Variants in MACC1 observed in about 807,000 individuals in gnomAD.
MACC1 encodes the protein metastasis-associated in colon cancer protein 1.
In MACC1, 79 loss-of-function variants were observed where a neutral mutation model predicts 70.7. That is an observed-to-expected ratio of 1.12 (90% confidence interval 0.93 to 1.35). MACC1 has a LOEUF of 1.35. MACC1 is among the 40% of genes most tolerant of loss of function. The pLI is 0.00. For synonymous variants in MACC1, 361 were observed against 347.2 expected (o/e 1.04, Z -0.44); for missense variants, 1,106 against 978.1 (o/e 1.13, Z -1.74).
intron 5 of MACC1, among the ~76,000 whole-genome samples, chr7:20,154,926 C>T (rs189970188): frequency 3.9e-5 from 6 of 151,956 alleles, no homozygotes. Flanking sequence ...ACTCCTTCAA[C>T]TTTGAACAAA....
At chr7:20,144,671 T>A (rs1037971232) in intron 6 of MACC1, among the ~76,000 whole-genome samples, 1 of 152,226 alleles carries the variant, frequency 6.6e-6, no homozygotes, top group East Asian at 1.9e-4. Context: ...TTTTCAGCCC[T>A]ACTGAATATC....
Position 20,140,009 on chromosome 7 carries a change from G to T in MACC1, c.*937C>A, listed in dbSNP as rs1182208940. On this transcript the variant is annotated 3_prime_UTR_variant, in exon 7 of 7. Coordinates refer to ENST00000400331, the MANE Select transcript of MACC1 (RefSeq NM_182762.4). ...TTATTAAAAATCTCCAAGAGCTAAAGAACTATTTTACATTACAATCCTGCA... is the reference window on the plus strand; with the variant it reads ...TTATTAAAAATCTCCAAGAGCTAAATAACTATTTTACATTACAATCCTGCA... 2.0e-5 allele frequency: 3 copies of T among 152,068 alleles called. No homozygotes were observed. The allele number at this position is 152,068 out of a possible 1,614,324, so 9.4% of individuals were successfully genotyped here. A position where few individuals can be genotyped will look rare whatever the true frequency, so the allele number is the denominator to read the frequency against.
At chr7:20,155,105 A>C (rs911899150) in intron 5 of MACC1, among the ~76,000 whole-genome samples, 2 of 152,198 alleles carry the variant, frequency 1.3e-5, no homozygotes, top group Non-Finnish European at 2.9e-5. Flanking sequence ...CTAACCATGC[A>C]TGTTTCAAAC....
intron 1 of MACC1, among the ~76,000 whole-genome samples, chr7:20,212,561 G>A (rs1265714445): frequency 1.3e-5 from 2 of 152,142 alleles, no homozygotes; most frequent in South Asian, 2.1e-4. Flanking sequence ...GAGGAAAAGC[G>A]GAGCTAGGTG....
intron 6 of MACC1, among the ~76,000 whole-genome samples, chr7:20,150,782 C>T (rs897147456): frequency 2.6e-5 from 4 of 152,152 alleles, no homozygotes; most frequent in African/African-American, 9.7e-5. Flanking sequence ...AGTGGTGGCT[C>T]ACACCTGTAA....
At chr7:20,192,863 C>T (rs112668257) in intron 1 of MACC1, among the ~76,000 whole-genome samples, 8 of 152,082 alleles carry the variant, frequency 5.3e-5, no homozygotes, top group African/African-American at 1.9e-4. Flanking sequence ...GTACTCATCC[C>T]GTACTGATGA....
In MACC1 at chr7:20,164,389, C is replaced by G. The variant is rs1425292882; in HGVS notation, c.-142G>C. 1 of 151,670 alleles carries G rather than the reference C, an allele frequency of 6.6e-6. No individual in the cohort carries two copies. The allele number at this position is 151,670 out of a possible 1,614,324, so 9.4% of individuals were successfully genotyped here. On this transcript the variant is annotated 5_prime_UTR_variant, in exon 3 of 7. Coordinates refer to ENST00000400331, the MANE Select transcript of MACC1 (RefSeq NM_182762.4). ...TTTTATTTTTTAAAGAAAGCAGAAGCCTTTTCTGATCTATAAAAATGAAAG... is the reference window on the plus strand; with the variant it reads ...TTTTATTTTTTAAAGAAAGCAGAAGGCTTTTCTGATCTATAAAAATGAAAG...
intron 1 of MACC1, among the ~76,000 whole-genome samples, chr7:20,172,717 C>T (rs1782327157): frequency 6.6e-6 from 1 of 152,174 alleles, no homozygotes; most frequent in African/African-American, 2.4e-5. Context: ...AGTTGAACCC[C>T]ATCACTTAAC....
intron 1 of MACC1, among the ~76,000 whole-genome samples, chr7:20,184,074 T>C (rs987599033): frequency 1.3e-5 from 2 of 152,178 alleles, no homozygotes; most frequent in Non-Finnish European, 2.9e-5. Context: ...TTCATCTATT[T>C]AGATTTTAAG....
chr7:20,209,063 G>A (rs554781187), intron 1 of MACC1, among the ~76,000 whole-genome samples: 67 of 152,344 alleles, frequency 4.4e-4, no homozygotes, highest in Non-Finnish European at 8.5e-4. Flanking sequence ...TTTAAAGGAT[G>A]TATGGAAATG....
intron 6 of MACC1, among the ~76,000 whole-genome samples, chr7:20,142,578 T>G (rs1781822272): frequency 6.6e-6 from 1 of 152,266 alleles, no homozygotes; most frequent in South Asian, 2.1e-4. Flanking sequence ...ATGAGGCATC[T>G]GCTCATCTAT....
intron 6 of MACC1, among the ~76,000 whole-genome samples, chr7:20,150,910 T>C (rs1781966173): frequency 6.6e-6 from 1 of 152,098 alleles, no homozygotes; most frequent in African/African-American, 2.4e-5. Flanking sequence ...CAGGCAGGTA[T>C]GGTGGCATGC....
rs149661432 is a variant in MACC1 at position 20,158,819 on chromosome 7, G to A, written c.1542C>T (p.Leu514=). 10 of 1,614,156 alleles carry A rather than the reference G, an allele frequency of 6.2e-6. No individual in the cohort carries two copies. Among genetic ancestry groups the A allele is most frequent in the Non-Finnish European group, 8.5e-6 (10 of 1,180,024 alleles). The stretch of plus-strand genomic sequence containing the variant: ...TCTGCAAATAGCCTGGCAGATTCGA[G>A]AGTCTTTTTAGGTTTGGGGTTGGAT... The part of the protein sequence containing the change: ...TPDPTPNLKR[L]SNLPGYLQKK... Residue 514 remains leucine, a synonymous_variant, in exon 5 of 7, where the codon CTC becomes CTT. Transcript: ENST00000400331.
intron 1 of MACC1, among the ~76,000 whole-genome samples, chr7:20,180,335 C>A (rs1258857501): frequency 6.6e-6 from 1 of 151,180 alleles, no homozygotes; most frequent in Non-Finnish European, 1.5e-5. Context: ...CCCAGCTTCT[C>A]GGGAGGCTGA....
At chr7:20,183,993 C>T (rs375683898) in intron 1 of MACC1, among the ~76,000 whole-genome samples, 15 of 152,152 alleles carry the variant, frequency 9.9e-5, no homozygotes, top group African/African-American at 3.4e-4. Context: ...CAGGCATGAG[C>T]CACCACACCT....
intron 1 of MACC1, among the ~76,000 whole-genome samples, chr7:20,173,803 C>T (rs1223242154): frequency 1.3e-5 from 2 of 152,124 alleles, no homozygotes; most frequent in Non-Finnish European, 2.9e-5. Flanking sequence ...TTAGTACTGG[C>T]TGGGGTCACT....
intron 1 of MACC1, among the ~76,000 whole-genome samples, chr7:20,186,022 G>T (rs1782583063): frequency 6.9e-6 from 1 of 144,674 alleles, no homozygotes; most frequent in Non-Finnish European, 1.5e-5. Flanking sequence ...AATGTCCTTG[G>T]ACCCTAATGT....
chr7:20,162,170 A>T (rs1782148667), intron 3 of MACC1, among the ~76,000 whole-genome samples: 1 of 152,136 alleles, frequency 6.6e-6, no homozygotes, highest in Non-Finnish European at 1.5e-5. Context: ...ACAAAAAAGT[A>T]AGTTGAAAAC....
At chr7:20,192,896 T>C (rs1305059667) in intron 1 of MACC1, among the ~76,000 whole-genome samples, 1 of 152,202 alleles carries the variant, frequency 6.6e-6, no homozygotes, top group Non-Finnish European at 1.5e-5. Context: ...CTACAGGATT[T>C]GAGGGAATGT....
Sources: gnomAD v4.1 joint callset for allele counts (sites outside exome capture counted in the v4.1 genomes callset) on GRCh38, gnomAD v4.1.1 for gene constraint, MANE v1.5 for transcripts, NCBI Gene and HGNC (gene_info 2026-07-23, HGNC 2026-07-21) for gene names.